The following ATXN1 variants were observed in gnomAD, a reference collection of about 807,000 sequenced individuals.
ATXN1 encodes ataxin 1.
ATXN1 carries 8 observed loss-of-function variants against 56.4 expected under a neutral mutation model. The observed-to-expected ratio is 0.14, with a 90% CI of 0.08 to 0.26. ATXN1 has a LOEUF of 0.26. Ranked by LOEUF, ATXN1 falls within the 10% of genes least tolerant of loss-of-function variation. The pLI, the probability that ATXN1 is intolerant of heterozygous loss-of-function variation, is 1.00. For synonymous variants in ATXN1, 514 were observed against 494.6 expected (o/e 1.04, Z -0.52); for missense variants, 987 against 1,106.5 (o/e 0.89, Z 1.53).
intron 3 of ATXN1, among the ~76,000 whole-genome samples, chr6:16,613,238 G>T (rs1335089706): frequency 7.7e-6 from 1 of 130,360 alleles, no homozygotes; most frequent in Non-Finnish European, 1.6e-5. Flanking sequence ...GCAGTCCGCA[G>T]TCCGGCCTGG....
chr6:16,744,716 A>G (rs1760467147), intron 2 of ATXN1, among the ~76,000 whole-genome samples: 1 of 152,186 alleles, frequency 6.6e-6, no homozygotes, highest in Admixed American at 6.5e-5. Context: ...AGAAGAAAGA[A>G]AGAGCTATTC....
intron 6 of ATXN1, among the ~76,000 whole-genome samples, chr6:16,361,860 T>C (rs2113476039): frequency 6.6e-6 from 1 of 152,334 alleles, no homozygotes; most frequent in East Asian, 1.9e-4. Flanking sequence ...AATGTTTCTG[T>C]AGTGTCAGGA....
At chr6:16,725,339 T>C (rs1017970240) in intron 2 of ATXN1, among the ~76,000 whole-genome samples, 1 of 152,160 alleles carries the variant, frequency 6.6e-6, no homozygotes, top group Admixed American at 6.5e-5. Context: ...TAATTTGTTA[T>C]TGCGAGTTCC....
intron 2 of ATXN1, chr6:16,740,007 T>C: frequency 2.5e-6 from 1 of 400,228 alleles, no homozygotes; most frequent in Non-Finnish European, 5.2e-6. Context: ...GGAAAAGCTG[T>C]AAAGAGATTG....
chr6:16,748,141 A>C (rs1760595852), intron 2 of ATXN1, among the ~76,000 whole-genome samples: 1 of 152,172 alleles, frequency 6.6e-6, no homozygotes, highest in East Asian at 1.9e-4. Flanking sequence ...CATTTTCTTC[A>C]ATTAATAATT....
chr6:16,637,756 T>C (rs977874857), intron 3 of ATXN1, among the ~76,000 whole-genome samples: 3 of 152,224 alleles, frequency 2.0e-5, no homozygotes, highest in African/African-American at 7.2e-5. Flanking sequence ...TCTGATATAC[T>C]ACAGCTACGC....
intron 5 of ATXN1, among the ~76,000 whole-genome samples, chr6:16,503,300 C>A (rs936967192): frequency 6.6e-6 from 1 of 152,130 alleles, no homozygotes; most frequent in African/African-American, 2.4e-5. Flanking sequence ...TGACCTCCAC[C>A]GAGCTGAGGA....
chr6:16,503,817 C>T (rs906700940), intron 5 of ATXN1, among the ~76,000 whole-genome samples: 1 of 152,052 alleles, frequency 6.6e-6, no homozygotes, highest in African/African-American at 2.4e-5. Context: ...ATATATACTT[C>T]TAAAAATTGT....
intron 6 of ATXN1, among the ~76,000 whole-genome samples, chr6:16,465,337 G>A (rs1247078564): frequency 6.6e-6 from 1 of 152,170 alleles, no homozygotes; most frequent in East Asian, 1.9e-4. Context: ...GGTGTCTGTA[G>A]TCCCAGCTAC....
chr6:16,598,570 A>C (rs1251406184), intron 3 of ATXN1, among the ~76,000 whole-genome samples: 1 of 152,192 alleles, frequency 6.6e-6, no homozygotes, highest in African/African-American at 2.4e-5. Context: ...TACGTATATA[A>C]AACTACGCGG....
chr6:16,602,785 T>C (rs1377758948), intron 3 of ATXN1, among the ~76,000 whole-genome samples: 2 of 152,112 alleles, frequency 1.3e-5, no homozygotes, highest in Non-Finnish European at 2.9e-5. Context: ...GAGGATAAGG[T>C]AACGTCTCCT....
chr6:16,369,007 G>T (rs1472519272), intron 6 of ATXN1, among the ~76,000 whole-genome samples: 1 of 152,134 alleles, frequency 6.6e-6, no homozygotes, highest in Non-Finnish European at 1.5e-5. Flanking sequence ...TGAAACTAAT[G>T]GATATTGCTA....
intron 7 of ATXN1, among the ~76,000 whole-genome samples, chr6:16,320,931 A>G (rs533157548): frequency 6.6e-6 from 1 of 152,332 alleles, no homozygotes; most frequent in East Asian, 1.9e-4. Context: ...GGAAAAGTTC[A>G]GCCTTCTTTC....
At chr6:16,462,060 A>C (rs1245532927) in intron 6 of ATXN1, among the ~76,000 whole-genome samples, 1 of 152,208 alleles carries the variant, frequency 6.6e-6, no homozygotes, top group African/African-American at 2.4e-5. Flanking sequence ...TACCAACAAA[A>C]CGTTAAAAAC....
At chr6:16,719,851 A>C (rs1283883669) in intron 2 of ATXN1, among the ~76,000 whole-genome samples, 2 of 152,212 alleles carry the variant, frequency 1.3e-5, no homozygotes, top group African/African-American at 4.8e-5. Flanking sequence ...CCAGAGGATG[A>C]CAGCGGCAAG....
intron 6 of ATXN1, among the ~76,000 whole-genome samples, chr6:16,337,292 G>C (rs954486908): frequency 6.6e-6 from 1 of 152,238 alleles, no homozygotes; most frequent in African/African-American, 2.4e-5. Flanking sequence ...GCCACCCCTG[G>C]AAACATCAGG....
chr6:16,327,110 T>C lies in ATXN1; in HGVS notation c.1201A>G (p.Thr401Ala). The C allele has an allele frequency of 6.2e-7, 1 of 1,613,526 alleles. No individual in the cohort carries two copies. The highest frequency in any genetic ancestry group is 8.5e-7 in the Non-Finnish European group (1 of 1,180,010). The part of the protein sequence containing the change: ...PAADLEVQQA[T>A]HREASPSTLN... The stretch of plus-strand genomic sequence containing the variant: ...GTAGAAGGGGAGGCTTCACGATGAG[T>C]GGCCTGTTGCACCTCCAGGTCAGCT... The change falls in exon 7 of 8, where the codon ACT becomes GCT. Residue 401 changes from threonine (T) to alanine (A), a missense_variant. Coordinates refer to ENST00000436367, the MANE Select transcript of ATXN1 (RefSeq NM_001128164.2).
chr6:16,637,248 A>C (rs1318008091), intron 3 of ATXN1, among the ~76,000 whole-genome samples: 1 of 151,998 alleles, frequency 6.6e-6, no homozygotes, highest in Admixed American at 6.6e-5. Context: ...TCGCAAGGAC[A>C]AAAAACCAAA....
intron 2 of ATXN1, chr6:16,739,039 C>T (rs951126690): frequency 3.3e-5 from 5 of 151,996 alleles, no homozygotes; most frequent in African/African-American, 7.3e-5. Context: ...GAACTCCCAA[C>T]GAGGGGCATA....
Sources: allele counts gnomAD v4.1 joint callset (sites outside exome capture counted in the v4.1 genomes callset), GRCh38; gene constraint gnomAD v4.1.1; transcripts MANE v1.5; gene names NCBI Gene and HGNC (gene_info 2026-07-23, HGNC 2026-07-21).